The following FREM1 variants were observed in gnomAD, a reference collection of about 807,000 sequenced individuals.
The protein encoded by FREM1 is FRAS1 related extracellular matrix 1.
FREM1 carries 220 observed loss-of-function variants against 210.1 expected under a neutral mutation model. The observed-to-expected ratio is 1.05, with a 90% CI of 0.94 to 1.17. The LOEUF (loss-of-function observed/expected upper bound fraction) is 1.17, where lower values mean the gene tolerates loss of function less well. Ranked by LOEUF, FREM1 falls within the 50% of genes most tolerant of loss-of-function variation. The probability of loss-of-function intolerance (pLI) is 0.00; values close to 1 mark genes in which losing one functional copy is unlikely to be tolerated. For missense variants in FREM1, 3,454 were observed against 2,675.5 expected, an observed-to-expected ratio of 1.29 and a Z score of -6.42; for synonymous variants, 1,189 against 980.2, an observed-to-expected ratio of 1.21 and a Z score of -3.98.
At chr9:14,860,808 C>CGT (rs1359730138) in intron 3 of FREM1, among the ~76,000 whole-genome samples, 11 of 90,736 alleles carry the variant, frequency 1.2e-4, no homozygotes, top group African/African-American at 1.6e-4. Flanking sequence ...CACATATATA[C>CGT]ATATATACAC....
At chr9:14,858,691 T>C (rs1258465950) in intron 4 of FREM1, among the ~76,000 whole-genome samples, 3 of 152,290 alleles carry the variant, frequency 2.0e-5, no homozygotes, top group Non-Finnish European at 2.9e-5. Context: ...ATTGAGTGAA[T>C]AGCAGAAGGA....
intron 1 of FREM1, among the ~76,000 whole-genome samples, chr9:14,886,060 A>T (rs954779141): frequency 2.6e-5 from 4 of 152,060 alleles, no homozygotes; most frequent in African/African-American, 9.6e-5. Context: ...ACTTTTTCAC[A>T]ACTTTAGGTC....
chr9:14,798,520 G>A (rs1191317603), intron 20 of FREM1, among the ~76,000 whole-genome samples: 1 of 152,102 alleles, frequency 6.6e-6, no homozygotes, highest in Non-Finnish European at 1.5e-5. Context: ...CAGGCAGGGA[G>A]GAATGCTTGA....
chr9:14,873,411 T>A (rs1472904738), intron 1 of FREM1, among the ~76,000 whole-genome samples: 4 of 152,242 alleles, frequency 2.6e-5, no homozygotes, highest in African/African-American at 9.6e-5. Context: ...GGTGTATGTG[T>A]CGAGGAATTT....
intron 1 of FREM1, among the ~76,000 whole-genome samples, chr9:14,888,173 C>T (rs1836156529): frequency 6.6e-6 from 1 of 152,118 alleles, no homozygotes; most frequent in Non-Finnish European, 1.5e-5. Flanking sequence ...ATTGTTTAAT[C>T]CCTACTATGG....
At chr9:14,898,426 T>C (rs544571826) in intron 1 of FREM1, among the ~76,000 whole-genome samples, 2 of 152,322 alleles carry the variant, frequency 1.3e-5, no homozygotes, top group South Asian at 4.1e-4. Context: ...GGTGGATATA[T>C]GTCATTAAAC....
At chr9:14,749,058 T>C (rs1842915072) in intron 30 of FREM1, among the ~76,000 whole-genome samples, 1 of 152,190 alleles carries the variant, frequency 6.6e-6, no homozygotes, top group Admixed American at 6.5e-5. Context: ...TTTAAAGATG[T>C]CATAGAATTA....
In FREM1 at chr9:14,805,019, T is replaced by C. The variant is rs768073851; in HGVS notation, c.3408A>G (p.Pro1136=). 5.0e-6 allele frequency: 8 copies of C among 1,613,758 alleles called. No individual in the cohort carries two copies. Among genetic ancestry groups the C allele is most frequent in the African/African-American group, 1.3e-5 (1 of 75,014 alleles). ...TTGTGGGGTTGATTATAATAGAAAA[T>C]GGTATCTCCAAGGAGTGATGCTTCC... The part of the protein sequence containing the change: ...TDGKHHSLEI[P]FSIIINPTND... The change falls in exon 19 of 37, where the codon CCA becomes CCG. Residue 1136 remains proline, a synonymous_variant. Transcript: ENST00000380880.
At chr9:14,764,951 T>G (rs1253615588) in intron 27 of FREM1, among the ~76,000 whole-genome samples, 1 of 152,152 alleles carries the variant, frequency 6.6e-6, no homozygotes, top group African/African-American at 2.4e-5. Flanking sequence ...CTTCCTATAA[T>G]AATGTCATTA....
At chr9:14,768,492 A>G (rs1178180578) in intron 27 of FREM1, among the ~76,000 whole-genome samples, 1 of 152,110 alleles carries the variant, frequency 6.6e-6, no homozygotes, top group African/African-American at 2.4e-5. Context: ...TCGAGATTAC[A>G]TTTTAATATC....
At chr9:14,902,675 A>T (rs1305341815) in intron 1 of FREM1, among the ~76,000 whole-genome samples, 3 of 152,222 alleles carry the variant, frequency 2.0e-5, no homozygotes, top group Non-Finnish European at 4.4e-5. Context: ...CGGACAAATG[A>T]GAAAGACAAA....
chr9:14,859,534 C>T (rs1158324265), intron 3 of FREM1, 50 bp from the exon 4 acceptor site: 9 of 1,475,930 alleles, frequency 6.1e-6, no homozygotes, highest in Non-Finnish European at 7.4e-6. Flanking sequence ...TCAGGTATTT[C>T]TGATACCCAT....
chr9:14,851,203 A>G, intron 6 of FREM1, 81 bp downstream of exon 6: 1 of 996,872 alleles, frequency 1.0e-6, no homozygotes, highest in Non-Finnish European at 1.5e-6. Context: ...TGTACAAAGG[A>G]ACCTGAGGGT....
At position 14,737,288 on chromosome 9, in the gene FREM1, G is replaced by C. The variant is rs1840562069; in HGVS notation, c.*108C>G. The C allele has an allele frequency of 1.4e-6, 1 of 712,866 alleles. No individual in the cohort carries two copies. The highest frequency in any genetic ancestry group is 1.8e-5 in the African/African-American group (1 of 56,202). 44.2% of individuals were successfully genotyped at this position (712,866 alleles called of 1,614,324 possible). ...ATTTTCACTAGACAGAATCACAAAGGTATACCCACTCAATCATAACAATTT... is the reference window on the plus strand; with the variant it reads ...ATTTTCACTAGACAGAATCACAAAGCTATACCCACTCAATCATAACAATTT... On this transcript the variant is annotated 3_prime_UTR_variant, in exon 37 of 37. Coordinates refer to ENST00000380880, the MANE Select transcript of FREM1 (RefSeq NM_001379081.2).
intron 25 of FREM1, among the ~76,000 whole-genome samples, chr9:14,771,150 C>T (rs1156236436): frequency 1.3e-5 from 2 of 152,098 alleles, no homozygotes; most frequent in Non-Finnish European, 2.9e-5. Context: ...ATAATAGAAG[C>T]CCAGGGAATG....
At chr9:14,792,674 A>C (rs1231384998) in intron 22 of FREM1, 69 bp downstream of exon 22, 4 of 1,173,038 alleles carry the variant, frequency 3.4e-6, no homozygotes, top group Non-Finnish European at 4.7e-6. Flanking sequence ...CCATCATAGA[A>C]ATGTGTATAT....
chr9:14,842,292 T>G, intron 9 of FREM1, 24 bp downstream of exon 9: 3 of 1,409,876 alleles, frequency 2.1e-6, no homozygotes, highest in Non-Finnish European at 2.9e-6. Context: ...TCCATTCAAA[T>G]GATCTTAACT....
At chr9:14,771,471 G>A (rs1847562273) in intron 25 of FREM1, among the ~76,000 whole-genome samples, 1 of 152,174 alleles carries the variant, frequency 6.6e-6, no homozygotes, top group Non-Finnish European at 1.5e-5. Context: ...GATGGTGGAT[G>A]ACATCTTCAC....
At chr9:14,846,982 G>A (rs1176219859) in intron 7 of FREM1, among the ~76,000 whole-genome samples, 2 of 152,170 alleles carry the variant, frequency 1.3e-5, no homozygotes, top group Non-Finnish European at 2.9e-5. Flanking sequence ...GACCAACCTT[G>A]TGGCTGATCA....
Sources: gnomAD v4.1 joint callset for allele counts (sites outside exome capture counted in the v4.1 genomes callset) on GRCh38, gnomAD v4.1.1 for gene constraint, MANE v1.5 for transcripts, NCBI Gene and HGNC (gene_info 2026-07-23, HGNC 2026-07-21) for gene names.